Variants in JMJD1C observed in about 807,000 individuals in gnomAD.
JMJD1C encodes jumonji domain-containing protein 1C.
Under a neutral mutation model 245.3 loss-of-function variants are expected in JMJD1C, and 31 were observed. That is an observed-to-expected ratio of 0.13 (90% CI 0.09 to 0.17). The LOEUF is 0.17. Among genes scored for constraint, JMJD1C ranks in the 10% least tolerant of loss-of-function variants. JMJD1C has a pLI of 1.00. For synonymous variants in JMJD1C, 1,057 were observed against 1,017.4 expected, an observed-to-expected ratio of 1.04 and a Z score of -0.74; for missense variants, 2,691 against 3,000.2, an observed-to-expected ratio of 0.90 and a Z score of 2.41.
intron 10 of JMJD1C, 52 bp downstream of exon 10, chr10:63,206,543 G>T: frequency 7.1e-7 from 1 of 1,410,424 alleles, no homozygotes; most frequent in Non-Finnish European, 9.6e-7. Context: ...CACTAGTATA[G>T]CTAAAACATT....
Position 63,198,499 on chromosome 10 carries a change from T to C in JMJD1C, c.5491+14A>G, listed in dbSNP as rs370429971. On this transcript the variant is annotated intron_variant, in intron 12 of 25. Transcript: ENST00000399262. ...TGAAATTTGTGCAGTTCATGTTATA[T>C]TTAACTTCCTTACCATCCTTTTTCA... 1.3e-5 allele frequency: 19 copies of C among 1,512,658 alleles called. No homozygotes were observed. The African/African-American group carries it at 2.6e-4, about 21-fold the overall frequency. The allele number at this position is 1,512,658 out of a possible 1,614,324, so 93.7% of individuals were successfully genotyped here.
chr10:63,385,662 T>A (rs1947538979), intron 1 of JMJD1C, among the ~76,000 whole-genome samples: 1 of 151,708 alleles, frequency 6.6e-6, no homozygotes, highest in Admixed American at 6.6e-5. Context: ...TTCAGGCTGG[T>A]CTCAAACTCC....
chr10:63,193,388 TTC>T lies in JMJD1C; in HGVS notation c.5817_5818del (p.Asn1940PhefsTer21). 1 of 1,604,906 alleles carries T rather than the reference TTC, an allele frequency of 6.2e-7. No individual in the cohort carries two copies. Among genetic ancestry groups the T allele is most frequent in the Non-Finnish European group, 8.5e-7 (1 of 1,174,452 alleles). ...TGTAGGAAAATTTCCAACTTGTAAA[TTC>T]TGTTTGTTAGTACAATGACAATGGG... On this transcript the variant is annotated frameshift_variant, in exon 15 of 26. Transcript: ENST00000399262. LOFTEE classifies it high-confidence loss of function.
At chr10:63,205,671 A>T (rs1220225425) in intron 10 of JMJD1C, among the ~76,000 whole-genome samples, 1 of 152,204 alleles carries the variant, frequency 6.6e-6, no homozygotes, top group African/African-American at 2.4e-5. Flanking sequence ...TACTTACACA[A>T]ACCTAGCTTA....
chr10:63,501,364 TTTTA>T (rs1954554191), intron 1 of JMJD1C, among the ~76,000 whole-genome samples: 1 of 152,230 alleles, frequency 6.6e-6, no homozygotes, highest in African/African-American at 2.4e-5. Context: ...TTAATCGTGC[TTTTA>T]TTTCACAGTT....
chr10:63,264,994 T>C (rs1855355619), intron 2 of JMJD1C, among the ~76,000 whole-genome samples: 1 of 152,162 alleles, frequency 6.6e-6, no homozygotes, highest in Non-Finnish European at 1.5e-5. Flanking sequence ...TATTTGAGTA[T>C]ACTAAGTCCC....
At chr10:63,394,570 C>T (rs1187814853) in intron 1 of JMJD1C, among the ~76,000 whole-genome samples, 8 of 152,148 alleles carry the variant, frequency 5.3e-5, no homozygotes. Context: ...GTGGGCTGGG[C>T]TCAGTGGCTC....
intron 1 of JMJD1C, among the ~76,000 whole-genome samples, chr10:63,521,057 G>A (rs1955204109): frequency 6.6e-6 from 1 of 152,170 alleles, no homozygotes; most frequent in South Asian, 2.1e-4. Context: ...TTTTCACACA[G>A]GCACTGCCAA....
At chr10:63,511,625 G>C (rs1954874429) in intron 1 of JMJD1C, among the ~76,000 whole-genome samples, 1 of 152,058 alleles carries the variant, frequency 6.6e-6, no homozygotes, top group Non-Finnish European at 1.5e-5. Context: ...CAGGAGAATT[G>C]AGTTGCTTGA....
intron 3 of JMJD1C, among the ~76,000 whole-genome samples, chr10:63,241,862 T>C (rs540695489): frequency 3.6e-4 from 55 of 152,310 alleles, no homozygotes; most frequent in Non-Finnish European, 6.9e-4. Flanking sequence ...GTACCTGAGA[T>C]GTAGCAGGTA....
chr10:63,329,300 G>C lies in JMJD1C; in HGVS notation c.333+51018C>G, dbSNP rs571565533. 1.1e-3 allele frequency among the ~76,000 whole-genome samples: 164 copies of C among 150,194 alleles called. No homozygotes were observed. The South Asian group carries it at 0.018, about 17-fold the overall frequency. On this transcript the variant is annotated intron_variant, in intron 2 of 25. Coordinates refer to ENST00000399262, the MANE Select transcript of JMJD1C (RefSeq NM_032776.3). Reference sequence around the variant, plus strand: ...ATTTCAAAAAAAAAAAAGAAAGAAAGAAAGAAAGAAAAAAGGAAATTAAAG... The same window carrying C: ...ATTTCAAAAAAAAAAAAGAAAGAAACAAAGAAAGAAAAAAGGAAATTAAAG...
At chr10:63,343,285 G>GACA (rs1301653530) in intron 2 of JMJD1C, among the ~76,000 whole-genome samples, 1 of 151,478 alleles carries the variant, frequency 6.6e-6, no homozygotes, top group African/African-American at 2.4e-5. Flanking sequence ...AGAATTGCTT[G>GACA]AGCCCAGAAA....
At position 63,213,592 on chromosome 10, in the gene JMJD1C, G is replaced by A. The variant is rs1291835011; in HGVS notation, c.2575C>T (p.Leu859Phe). ...GGATACTGCCAAATAATTGGATAAAGTCCAAGCTGATTATATGAAGCAGAA... is the reference window on the plus strand; with the variant it reads ...GGATACTGCCAAATAATTGGATAAAATCCAAGCTGATTATATGAAGCAGAA... The part of the protein sequence containing the change: ...HPSASYNQLG[L>F]YPIIWQYPNG... The change falls in exon 8 of 26, where the codon CTT (leucine) becomes TTT (phenylalanine). Residue 859 changes from leucine to phenylalanine, a missense_variant. Physicochemically the swap from Leu to Phe is conservative, Grantham distance 22 (BLOSUM62 0). This residue lies in a region of JMJD1C where 1,562 missense variants were observed against 1,490.7 expected (regional missense o/e 1.05). Coordinates refer to ENST00000399262, the MANE Select transcript of JMJD1C (RefSeq NM_032776.3). 1 of 1,614,032 alleles carries A rather than the reference G, an allele frequency of 6.2e-7. No homozygotes were observed. Among genetic ancestry groups the A allele is most frequent in the Non-Finnish European group, 8.5e-7 (1 of 1,179,978 alleles).
intron 1 of JMJD1C, among the ~76,000 whole-genome samples, chr10:63,460,430 G>A (rs1202971850): frequency 6.6e-6 from 1 of 152,088 alleles, no homozygotes; most frequent in Non-Finnish European, 1.5e-5. Context: ...GAGGTGGGAG[G>A]ATTGCCTGAG....
intron 3 of JMJD1C, among the ~76,000 whole-genome samples, chr10:63,226,265 A>C (rs1205543113): frequency 6.6e-6 from 1 of 152,246 alleles, no homozygotes; most frequent in Non-Finnish European, 1.5e-5. Context: ...ATGCAATCTT[A>C]TAATCAGAAA....
chr10:63,399,513 T>G (rs1948719968), intron 1 of JMJD1C, among the ~76,000 whole-genome samples: 1 of 152,202 alleles, frequency 6.6e-6, no homozygotes, highest in African/African-American at 2.4e-5. Flanking sequence ...TCAACCTCCT[T>G]GATCTTTTAT....
intron 3 of JMJD1C, among the ~76,000 whole-genome samples, chr10:63,237,228 G>A (rs566525521): frequency 6.6e-6 from 1 of 152,192 alleles, no homozygotes; most frequent in African/African-American, 2.4e-5. Context: ...AGTAGAGACA[G>A]GGTTTCACCA....
At chr10:63,234,776 T>C (rs1476180300) in intron 3 of JMJD1C, among the ~76,000 whole-genome samples, 3 of 149,224 alleles carry the variant, frequency 2.0e-5, no homozygotes, top group East Asian at 4.4e-4. Context: ...CTATTTAAAA[T>C]AATAATAATA....
At chr10:63,190,136 G>A (rs1844603038) in intron 17 of JMJD1C, among the ~76,000 whole-genome samples, 2 of 144,956 alleles carry the variant, frequency 1.4e-5, no homozygotes, top group African/African-American at 5.1e-5. Flanking sequence ...CCTGACCTCA[G>A]GTGGTCTGCC....
Sources: gnomAD v4.1 joint callset for allele counts (sites outside exome capture counted in the v4.1 genomes callset) on GRCh38, gnomAD v4.1.1 for gene constraint, gnomAD v4.1.1 regional missense constraint, MANE v1.5 for transcripts, NCBI Gene and HGNC (gene_info 2026-07-23, HGNC 2026-07-21) for gene names.